Variants in SCN1A observed in about 807,000 individuals in gnomAD.
The protein encoded by SCN1A is sodium channel protein type 1 subunit alpha.
SCN1A carries 13 observed loss-of-function variants against 193.7 expected under a neutral mutation model. The ratio of observed to expected loss-of-function variants is 0.07; its 90% CI spans 0.04 to 0.11. The LOEUF (loss-of-function observed/expected upper bound fraction) is 0.11. SCN1A is among the 10% of genes least tolerant of loss of function. The pLI, the probability that SCN1A is intolerant of heterozygous loss-of-function variation, is 1.00. For missense variants in SCN1A, 1,432 were observed against 2,451.1 expected (o/e 0.58, Z 8.78); for synonymous variants, 781 against 843.6 (o/e 0.93, Z 1.29).
rs569598595 is a variant in SCN1A, at chr2:166,039,435, A to G, written c.2577T>C (p.Arg859=). The change falls in exon 17 of 29, where the codon CGT becomes CGC. Residue 859 remains arginine (R), a synonymous_variant. Transcript: ENST00000674923. ...LANVEGLSVL[R]SFRLLRVFKL... The stretch of plus-strand genomic sequence containing the variant: ...TTTTTTTTTTTACCAATCGAAATGA[A>G]CGGAGAACAGATAATCCTTCCACAT... 37 of 1,610,896 alleles carry G rather than the reference A, an allele frequency of 2.3e-5. No homozygotes were observed. Among genetic ancestry groups the G allele is most frequent in the Middle Eastern group, 3.3e-4 (2 of 6,022 alleles).
intron 3 of SCN1A, chr2:166,075,450 T>C (rs995562477): frequency 6.6e-6 from 1 of 152,054 alleles, no homozygotes; most frequent in Admixed American, 6.6e-5. Context: ...TACACCAGCA[T>C]TTTTTACTTA....
chr2:166,035,953 T>A, intron 19 of SCN1A, 95 bp downstream of exon 19: 1 of 1,312,714 alleles, frequency 7.6e-7, no homozygotes, highest in Non-Finnish European at 1.1e-6. Context: ...AAAAAAATCT[T>A]AAGTCAAAAC....
At chr2:166,116,612 TATCAAATTCATCA>T (rs1689897452) in intron 2 of SCN1A, among the ~76,000 whole-genome samples, 1 of 2,818 alleles carries the variant, frequency 3.5e-4, no homozygotes, top group Non-Finnish European at 1.4e-3. Flanking sequence ...TCTGATGAAT[TATCAAATTCATCA>T]GATTCAGTGT....
intron 4 of SCN1A, chr2:166,071,678 C>T: frequency 6.6e-6 from 1 of 151,784 alleles, no homozygotes; most frequent in Non-Finnish European, 1.5e-5. Flanking sequence ...ATCACGAGGT[C>T]AGGAGATCGA....
At chr2:166,010,907 CTA>C (rs1692356173) in intron 22 of SCN1A, among the ~76,000 whole-genome samples, 1 of 150,498 alleles carries the variant, frequency 6.6e-6, no homozygotes, top group African/African-American at 2.4e-5. Flanking sequence ...AAAAATGACA[CTA>C]AAAAACTTTC....
intron 2 of SCN1A, among the ~76,000 whole-genome samples, chr2:166,098,274 T>C (rs754362517): frequency 3.3e-5 from 5 of 152,262 alleles, no homozygotes; most frequent in East Asian, 1.9e-4. Context: ...AAAAACCACA[T>C]GATCATCTTA....
intron 28 of SCN1A, 145 bp downstream of exon 28, chr2:165,994,001 T>C: frequency 1.4e-6 from 1 of 708,784 alleles, no homozygotes; most frequent in South Asian, 1.9e-5. Flanking sequence ...GACATTTTGT[T>C]AAAAAAACAA....
At chr2:166,088,576 T>C (rs1379397489) in intron 2 of SCN1A, among the ~76,000 whole-genome samples, 2 of 152,220 alleles carry the variant, frequency 1.3e-5, no homozygotes, top group Non-Finnish European at 2.9e-5. Flanking sequence ...TGTTAAAACC[T>C]TATAAATAAT....
chr2:166,082,984 C>A (rs745423410), intron 2 of SCN1A, among the ~76,000 whole-genome samples: 1 of 151,980 alleles, frequency 6.6e-6, no homozygotes, highest in African/African-American at 2.4e-5. Context: ...TGTTTCAGTT[C>A]GTTTTGTAGT....
rs1042252202 is a variant in SCN1A at position 166,036,228 on chromosome 2, T to G, written c.3249A>C (p.Thr1083=). The part of the protein sequence containing the change: ...LDYLKDVNGT[T]SGIGTGSSVE... ...CACTGCTGCCAGTTCCTATACCACT[T>G]GTAGTTCCATTTACATCTTTAAGAT... is the stretch of plus-strand genomic sequence containing the variant. Residue 1083 remains threonine, a synonymous_variant, in exon 19 of 29, where the codon ACA becomes ACC. Coordinates refer to ENST00000674923, the MANE Select transcript of SCN1A (RefSeq NM_001165963.4). The G allele has an allele frequency of 6.8e-6, 11 of 1,613,980 alleles. No individual in the cohort carries two copies. The highest frequency in any genetic ancestry group is 9.3e-6 in the Non-Finnish European group (11 of 1,179,876).
intron 19 of SCN1A, among the ~76,000 whole-genome samples, chr2:166,017,448 A>G (rs1199015568): frequency 6.6e-6 from 1 of 152,034 alleles, no homozygotes; most frequent in Non-Finnish European, 1.5e-5. Context: ...ACATCACATG[A>G]TCTTCTGAAG....
chr2:166,111,790 C>T (rs768489399), intron 2 of SCN1A, among the ~76,000 whole-genome samples: 3 of 151,800 alleles, frequency 2.0e-5, no homozygotes, highest in Non-Finnish European at 2.9e-5. Context: ...GAAATCGATT[C>T]CAACTTTCAT....
At chr2:166,089,568 T>C (rs1342118864) in intron 2 of SCN1A, among the ~76,000 whole-genome samples, 2 of 152,014 alleles carry the variant, frequency 1.3e-5, no homozygotes, top group African/African-American at 4.8e-5. Context: ...TTTTTTTGGT[T>C]GACTAGGTAG....
chr2:166,144,264 T>A (rs899732756), intron 1 of SCN1A, among the ~76,000 whole-genome samples: 1 of 152,200 alleles, frequency 6.6e-6, no homozygotes, highest in African/African-American at 2.4e-5. Context: ...AGGGTGCCAG[T>A]GAAAAGAGAT....
chr2:166,109,028 C>T (rs1357989541), intron 2 of SCN1A, among the ~76,000 whole-genome samples: 1 of 151,956 alleles, frequency 6.6e-6, no homozygotes, highest in Non-Finnish European at 1.5e-5. Flanking sequence ...TTATTCTTTT[C>T]TCTTCTATAG....
chr2:166,079,836 G>T (rs1257560883), intron 2 of SCN1A, among the ~76,000 whole-genome samples: 1 of 151,338 alleles, frequency 6.6e-6, no homozygotes, highest in Non-Finnish European at 1.5e-5. Context: ...ATATTCATAT[G>T]TAAGCAATAT....
chr2:166,080,666 G>A (rs1466591698), intron 2 of SCN1A, among the ~76,000 whole-genome samples: 1 of 151,670 alleles, frequency 6.6e-6, no homozygotes, highest in Non-Finnish European at 1.5e-5. Context: ...TGAAATGGAA[G>A]TGAGAGATCA....
chr2:166,009,155 AAGTT>A (rs1446050484), intron 23 of SCN1A, among the ~76,000 whole-genome samples: 2 of 151,106 alleles, frequency 1.3e-5, no homozygotes, highest in South Asian at 4.1e-4. Context: ...TGTAATCTTT[AAGTT>A]AGTATTACTA....
At chr2:166,070,876 A>G (rs535366337) in intron 4 of SCN1A, among the ~76,000 whole-genome samples, 8 of 152,308 alleles carry the variant, frequency 5.3e-5, no homozygotes, top group Non-Finnish European at 8.8e-5. Context: ...TATTTTACAA[A>G]TAAGGACCCA....
Sources: gnomAD v4.1 joint callset for allele counts (sites outside exome capture counted in the v4.1 genomes callset) on GRCh38, gnomAD v4.1.1 for gene constraint, MANE v1.5 for transcripts, NCBI Gene and HGNC (gene_info 2026-07-23, HGNC 2026-07-21) for gene names.